E2F8: variants seen among roughly 807,000 people sequenced by gnomAD.
The protein encoded by E2F8 is E2F transcription factor 8.
Under a neutral mutation model 80.8 loss-of-function variants are expected in E2F8, and 35 were observed. The observed-to-expected ratio is 0.43, with a 90% CI of 0.33 to 0.57. The LOEUF (loss-of-function observed/expected upper bound fraction) is 0.57, where lower values mean the gene tolerates loss of function less well. Among genes scored for constraint, E2F8 ranks in the 20% least tolerant of loss-of-function variants. The probability of loss-of-function intolerance (pLI) is 0.04; values close to 1 mark genes in which losing one functional copy is unlikely to be tolerated. For missense variants in E2F8, 975 were observed against 1,056.2 expected, an observed-to-expected ratio of 0.92 and a Z score of 1.07; for synonymous variants, 386 against 395.0, an observed-to-expected ratio of 0.98 and a Z score of 0.27.
chr11:19,225,647 G>C (rs1335562537), intron 11 of E2F8, 32 bp from the exon 12 acceptor site: 1 of 1,610,022 alleles, frequency 6.2e-7, no homozygotes, highest in Non-Finnish European at 8.5e-7. Context: ...TATCTTAAAA[G>C]CACAGGCATT....
Position 19,240,139 on chromosome 11 carries a change from C to G in E2F8, c.-18G>C. On this transcript the variant is annotated 5_prime_UTR_variant, in exon 2 of 13. The change abolishes an upstream ATG in the 5' untranslated region. Coordinates refer to ENST00000250024, the MANE Select transcript of E2F8 (RefSeq NM_024680.4). ...TTCTCCATTCTGTAAATTCCTCATA[C>G]ATTTAGAGTTTAAAAATGAAAAATC... 6.7e-7 allele frequency: 1 copy of G among 1,490,366 alleles called. No individual in the cohort carries two copies. The allele number at this position is 1,490,366 out of a possible 1,614,324, so 92.3% of individuals were successfully genotyped here. A position where few individuals can be genotyped will look rare whatever the true frequency, so the allele number is the denominator to read the frequency against.
In E2F8 at chr11:19,232,284, C is replaced by A; in HGVS notation, c.1016G>T (p.Arg339Leu). Residue 339 changes from arginine (R) to leucine (L), a missense_variant, in exon 7 of 13, where the codon CGA (arginine) becomes CTA (leucine). Physicochemically the swap from Arg to Leu is moderately radical, Grantham distance 102 (BLOSUM62 -2). Transcript: ENST00000250024. ...KKVHVTEERG[R>L]KPAFKWTGPE... The stretch of plus-strand genomic sequence containing the variant: ...GCCGGTCCATTTGAAAGCTGGTTTT[C>A]GGCCTCTTTCCTCTGTAACATGAAC... The A allele has an allele frequency of 6.2e-7, 1 of 1,614,164 alleles. No homozygotes were observed. The highest frequency in any genetic ancestry group is 8.5e-7 in the Non-Finnish European group (1 of 1,180,022).
chr11:19,225,167 T>C, intron 12 of E2F8, 54 bp downstream of exon 12: 1 of 1,572,904 alleles, frequency 6.4e-7, no homozygotes, highest in Non-Finnish European at 8.6e-7. Context: ...ATGACACAGA[T>C]ACTTGGGGCT....
At position 19,235,015 on chromosome 11, in the gene E2F8, C is replaced by G. The variant is rs1346667165; in HGVS notation, c.495G>C (p.Glu165Asp). 2.5e-6 allele frequency: 4 copies of G among 1,613,080 alleles called. No individual in the cohort carries two copies. The South Asian group carries it at 4.4e-5, about 18-fold the overall frequency. ...CGAGGCGGCTCACCATATGTAAACT[C>G]TCTAGGACGTTCACGATATCGTAAA... ...RRIYDIVNVL[E>D]SLHMVSRLAK... The change falls in exon 5 of 13, where the codon GAG (glutamate) becomes GAC (aspartate). Residue 165 changes from glutamate (E) to aspartate (D), a missense_variant. By Grantham distance (45) the Glu-to-Asp change is conservative. Coordinates refer to ENST00000250024, the MANE Select transcript of E2F8 (RefSeq NM_024680.4).
chr11:19,233,548 C>G (rs187014805), intron 6 of E2F8, among the ~76,000 whole-genome samples: 6 of 152,104 alleles, frequency 3.9e-5, no homozygotes, highest in Admixed American at 3.9e-4. Flanking sequence ...AGTGCAGTGG[C>G]GCGATCTCGG....
intron 4 of E2F8, among the ~76,000 whole-genome samples, chr11:19,235,458 C>G (rs1851489710): frequency 6.6e-6 from 1 of 152,156 alleles, no homozygotes; most frequent in South Asian, 2.1e-4. Context: ...ACCATCCTGG[C>G]TAACATGGTG....
intron 12 of E2F8, 25 bp downstream of exon 12, chr11:19,225,196 T>A: frequency 6.3e-7 from 1 of 1,595,940 alleles, no homozygotes; most frequent in Non-Finnish European, 8.5e-7. Context: ...CCAGGAAAAA[T>A]TAAATTAAGT....
chr11:19,230,344 G>A lies in E2F8; in HGVS notation c.1271-16C>T. On this transcript the variant is annotated splice_polypyrimidine_tract_variant and intron_variant, in intron 8 of 12. Transcript: ENST00000250024. ...GAACTCTCAGCTGGTAAAATAGAAA[G>A]GAAGAGAGCACCGGTCAAAGCTAAA... 1 of 1,608,998 alleles carries A rather than the reference G, an allele frequency of 6.2e-7. No individual in the cohort carries two copies. The highest frequency in any genetic ancestry group is 8.5e-7 in the Non-Finnish European group (1 of 1,177,404).
At position 19,224,586 on chromosome 11, in the gene E2F8, C is replaced by T; in HGVS notation, c.*72G>A. On this transcript the variant is annotated 3_prime_UTR_variant, in exon 13 of 13. Transcript: ENST00000250024. The stretch of plus-strand genomic sequence containing the variant: ...ACAGTATTTTCAGAGAATGTGTTCT[C>T]CAAATCAGTCTGTGTACATTTTCTC... 1 of 1,505,628 alleles carries T rather than the reference C, an allele frequency of 6.6e-7. No individual in the cohort carries two copies. The highest frequency in any genetic ancestry group is 2.3e-5 in the East Asian group (1 of 43,800). The allele number at this position is 1,505,628 out of a possible 1,614,324, so 93.3% of individuals were successfully genotyped here.
intron 7 of E2F8, among the ~76,000 whole-genome samples, chr11:19,231,456 T>A (rs961599701): frequency 5.9e-5 from 9 of 152,198 alleles, no homozygotes; most frequent in Admixed American, 1.3e-4. Flanking sequence ...AAGAAGTAGC[T>A]TGTCTCAGGC....
At position 19,232,261 on chromosome 11, in the gene E2F8, C is replaced by T. The variant is rs147218768; in HGVS notation, c.1039G>A (p.Gly347Ser). The T allele has an allele frequency of 1.9e-6, 3 of 1,614,006 alleles. No individual in the cohort carries two copies. Among genetic ancestry groups the T allele is most frequent in the African/African-American group, 2.7e-5 (2 of 74,926 alleles). The change falls in exon 7 of 13, where the codon GGC (glycine) becomes AGC (serine). Residue 347 changes from glycine to serine, a missense_variant. Transcript: ENST00000250024. ...CTGGTATTTGGACTGATTTCTGGGC[C>T]GGTCCATTTGAAAGCTGGTTTTCGG... ...RGRKPAFKWT[G>S]PEISPNTSGS... is the part of the protein sequence containing the mutation.
chr11:19,240,974 C>T (rs1256717942), upstream of E2F8: 2 of 152,522 alleles, frequency 1.3e-5, no homozygotes, highest in Admixed American at 6.5e-5. Context: ...GGCCAAAGGC[C>T]CCTCCCCCAG....
At chr11:19,231,827 T>G (rs1851390746) in intron 7 of E2F8, among the ~76,000 whole-genome samples, 1 of 152,182 alleles carries the variant, frequency 6.6e-6, no homozygotes, top group East Asian at 1.9e-4. Flanking sequence ...TAGCCAAACT[T>G]TCTATATTGC....
chr11:19,231,127 C>T (rs7127102), intron 7 of E2F8, among the ~76,000 whole-genome samples: 7,820 of 152,188 alleles, frequency 0.051, 619 homozygotes, highest in African/African-American at 0.17. Flanking sequence ...AAGAATTGTG[C>T]ATCTTACAAT....
chr11:19,225,707 T>C, intron 11 of E2F8, 25 bp downstream of exon 11: 1 of 1,613,784 alleles, frequency 6.2e-7, no homozygotes, highest in Non-Finnish European at 8.5e-7. Context: ...GGCCCACATC[T>C]GGTTAGTGTT....
intron 6 of E2F8, among the ~76,000 whole-genome samples, chr11:19,233,301 T>G (rs2133569248): frequency 6.6e-6 from 1 of 152,274 alleles, no homozygotes; most frequent in Admixed American, 6.5e-5. Flanking sequence ...TTCCCAATTT[T>G]GAGCAGGTAA....
intron 7 of E2F8, 30 bp from the exon 8 acceptor site, chr11:19,230,864 C>G (rs372801098): frequency 4.4e-6 from 7 of 1,608,298 alleles, no homozygotes; most frequent in Non-Finnish European, 6.0e-6. Context: ...TGTATTAAAA[C>G]CTGGATGGCT....
At chr11:19,231,113 T>C (rs1157301397) in intron 7 of E2F8, among the ~76,000 whole-genome samples, 1 of 152,228 alleles carries the variant, frequency 6.6e-6, no homozygotes, top group African/African-American at 2.4e-5. Context: ...CTTAGTGATA[T>C]AGAAAGAATT....
chr11:19,231,426 A>G (rs1336925880), intron 7 of E2F8, among the ~76,000 whole-genome samples: 1 of 152,210 alleles, frequency 6.6e-6, no homozygotes, highest in African/African-American at 2.4e-5. Context: ...CCATTTCACC[A>G]AGGAGAAAAC....
Sources: allele counts gnomAD v4.1 joint callset (sites outside exome capture counted in the v4.1 genomes callset), GRCh38; gene constraint gnomAD v4.1.1; transcripts MANE v1.5; gene names NCBI Gene and HGNC (gene_info 2026-07-23, HGNC 2026-07-21).